Variants in FAT1 observed in about 807,000 individuals in gnomAD.
FAT1 encodes FAT atypical cadherin 1.
Under a neutral mutation model 329.8 loss-of-function variants are expected in FAT1, and 171 were observed. The observed-to-expected ratio is 0.52, with a 90% CI of 0.46 to 0.59. FAT1 has a LOEUF of 0.59. FAT1 is among the 20% of genes least tolerant of loss of function. FAT1 has a pLI of 0.00. For synonymous variants in FAT1, 2,233 were observed against 2,228.6 expected (o/e 1.00, Z -0.06); for missense variants, 5,672 against 5,774.4 (o/e 0.98, Z 0.57).
intron 2 of FAT1, among the ~76,000 whole-genome samples, chr4:186,693,438 T>C (rs1743887398): frequency 6.9e-6 from 1 of 144,982 alleles, no homozygotes; most frequent in Non-Finnish European, 1.5e-5. Flanking sequence ...GCCCAGCGGA[T>C]TTGCTGCTTT....
At chr4:186,595,853 G>A in intron 25 of FAT1, 27 bp from the exon 26 acceptor site, 2 of 1,613,202 alleles carry the variant, frequency 1.2e-6, no homozygotes, top group South Asian at 1.1e-5. Context: ...CAAACAGTAA[G>A]TATATGGGCC....
intron 2 of FAT1, among the ~76,000 whole-genome samples, chr4:186,670,517 C>G (rs1258691786): frequency 6.6e-6 from 1 of 152,172 alleles, no homozygotes; most frequent in Non-Finnish European, 1.5e-5. Context: ...CATCAACACA[C>G]TAGAGAGCCA....
intron 3 of FAT1, among the ~76,000 whole-genome samples, chr4:186,661,585 A>G (rs1045644028): frequency 4.6e-5 from 7 of 152,188 alleles, no homozygotes; most frequent in Non-Finnish European, 1.0e-4. Flanking sequence ...CGGGACAGAA[A>G]TGCCTGTGCG....
In FAT1 at chr4:186,628,179, A is replaced by G. The variant is rs1169067804; in HGVS notation, c.4785T>C (p.Ala1595=). The G allele has an allele frequency of 2.5e-6, 4 of 1,613,828 alleles. No individual in the cohort carries two copies. Among genetic ancestry groups the G allele is most frequent in the African/African-American group, 2.7e-5 (2 of 74,920 alleles). The change falls in exon 9 of 27, where the codon GCT becomes GCC. Residue 1595 remains alanine, a synonymous_variant. Transcript: ENST00000441802. ...TALDKDKGKN[A]EVLYSIESGN... is the part of the protein sequence containing the mutation. ...CTGACTCGATCGAGTACAGCACTTC[A>G]GCATTTTTCCCTTTGTCCTTGTCCA... is the stretch of plus-strand genomic sequence containing the variant.
intron 2 of FAT1, among the ~76,000 whole-genome samples, chr4:186,681,423 C>T (rs1303891901): frequency 6.6e-6 from 1 of 152,176 alleles, no homozygotes; most frequent in African/African-American, 2.4e-5. Flanking sequence ...TCCCTAACCT[C>T]TGTATTTCCA....
In FAT1 at chr4:186,588,436, G is replaced by C. The variant is rs1007899937; in HGVS notation, c.*156C>G. ...CACGATGACAGTAGTTGGGACACTG[G>C]AAATGGCTAGCACGTCCAGAGGCGC... On this transcript the variant is annotated 3_prime_UTR_variant, in exon 27 of 27. Transcript: ENST00000441802. 1.9e-5 allele frequency: 16 copies of C among 848,096 alleles called. No individual in the cohort carries two copies. Among genetic ancestry groups the C allele is most frequent in the Non-Finnish European group, 2.3e-5 (13 of 567,012 alleles). The allele number at this position is 848,096 out of a possible 1,614,324, so 52.5% of individuals were successfully genotyped here. A position where few individuals can be genotyped will look rare whatever the true frequency, so the allele number is the denominator to read the frequency against.
At chr4:186,725,812 G>A (rs1045416134), upstream of FAT1, among the ~76,000 whole-genome samples, 9 of 152,202 alleles carry the variant, frequency 5.9e-5, no homozygotes, top group Non-Finnish European at 1.0e-4. The surrounding 1 kb of genome is among the most constrained non-coding windows in gnomAD (Gnocchi z 5.4). Flanking sequence ...GACGGTTCCA[G>A]AAACAAAACG....
chr4:186,722,931 A>C (rs949991718), intron 1 of FAT1, among the ~76,000 whole-genome samples: 2 of 152,154 alleles, frequency 1.3e-5, no homozygotes, highest in African/African-American at 4.8e-5. Flanking sequence ...AATATTTATG[A>C]GTTTACTTTC....
chr4:186,703,857 T>C (rs1448954563), intron 2 of FAT1, among the ~76,000 whole-genome samples: 1 of 152,232 alleles, frequency 6.6e-6, no homozygotes, highest in Non-Finnish European at 1.5e-5. Context: ...AGAAATTAGT[T>C]AAGACACACT....
At chr4:186,643,513 C>A (rs1206811651) in intron 3 of FAT1, among the ~76,000 whole-genome samples, 1 of 152,044 alleles carries the variant, frequency 6.6e-6, no homozygotes, top group African/African-American at 2.4e-5. Context: ...AGGTGATGCA[C>A]CCCCTCTGCG....
rs373140687 is a variant in FAT1, at chr4:186,604,427, A to T, written c.10498T>A (p.Ser3500Thr). The change falls in exon 18 of 27, where the codon TCA (serine) becomes ACA (threonine). Residue 3500 changes from serine to threonine, a missense_variant. Physicochemically the swap from Ser to Thr is moderately conservative, Grantham distance 58. Transcript: ENST00000441802. The part of the protein sequence containing the change: ...EVNPQGVLLT[S>T]SAIKRKEKDH... ...TTCTCCTTCCTCTTGATGGCAGATG[A>T]TGTCAGGAGGACTCCTTGCGGGTTA... is the stretch of plus-strand genomic sequence containing the variant. The T allele has an allele frequency of 2.2e-4, 358 of 1,613,758 alleles. No individual in the cohort carries two copies. The highest frequency in any genetic ancestry group is 6.6e-4 in the Middle Eastern group (4 of 6,084).
At position 186,620,828 on chromosome 4, in the gene FAT1, C is replaced by T. The variant is rs759008415; in HGVS notation, c.5758G>A (p.Glu1920Lys). The T allele has an allele frequency of 1.4e-5, 22 of 1,613,872 alleles. No individual in the cohort carries two copies. The highest frequency in any genetic ancestry group is 2.7e-5 in the African/African-American group (2 of 74,918). ...GAAAACTTCTCCCCGATGTTGCCTT[C>T]GGTGATGGAGTAAATCAACTGTGAG... The part of the protein sequence containing the change: ...AFSQLIYSIT[E>K]GNIGEKFSMD... Residue 1920 changes from glutamate (E) to lysine (K), a missense_variant, in exon 10 of 27, where the codon GAA (glutamate) becomes AAA (lysine). Around this residue, in one of 2 missense-constraint regions of FAT1, gnomAD observed 3,966 missense variants for 3,915.2 expected, o/e 1.01. Coordinates refer to ENST00000441802, the MANE Select transcript of FAT1 (RefSeq NM_005245.4).
At chr4:186,655,798 T>C (rs574144862) in intron 3 of FAT1, among the ~76,000 whole-genome samples, 3 of 152,364 alleles carry the variant, frequency 2.0e-5, no homozygotes, top group Middle Eastern at 3.4e-3. Flanking sequence ...TATCCATGTA[T>C]ACAGTATGCT....
chr4:186,697,732 A>T (rs540579776), intron 2 of FAT1, among the ~76,000 whole-genome samples: 1 of 152,212 alleles, frequency 6.6e-6, no homozygotes, highest in Non-Finnish European at 1.5e-5. Flanking sequence ...GCATTATAAA[A>T]ATGCTTGTCA....
Position 186,609,179 on chromosome 4 carries a change from T to C in FAT1, c.10206+4A>G, listed in dbSNP as rs1202969863. 6.2e-7 allele frequency: 1 copy of C among 1,611,236 alleles called. No individual in the cohort carries two copies. Among genetic ancestry groups the C allele is most frequent in the South Asian group, 1.1e-5 (1 of 90,864 alleles). On this transcript the variant is annotated splice_donor_region_variant and intron_variant, in intron 16 of 26. Transcript: ENST00000441802. ...AACAACGTAAATCAACCTTTTTCAC[T>C]TACCGTTTCTCGGTCGAGAAGTTTG...
intron 6 of FAT1, 91 bp downstream of exon 6, chr4:186,635,934 A>G: frequency 1.8e-6 from 2 of 1,131,154 alleles, no homozygotes; most frequent in Non-Finnish European, 2.6e-6. Flanking sequence ...CCAATTTTAA[A>G]TCCTGACTTG....
chr4:186,672,620 A>G (rs1411249633), intron 2 of FAT1, among the ~76,000 whole-genome samples: 2 of 152,320 alleles, frequency 1.3e-5, no homozygotes, highest in East Asian at 3.9e-4. Flanking sequence ...CTTATACATC[A>G]GCTCATTTAC....
chr4:186,594,818 C>G (rs1338862707), intron 26 of FAT1, among the ~76,000 whole-genome samples: 1 of 150,520 alleles, frequency 6.6e-6, no homozygotes, highest in Non-Finnish European at 1.5e-5. Context: ...CTATATTACT[C>G]TGGATTGAAT....
chr4:186,725,074 A>G (rs1382164183), upstream of FAT1, among the ~76,000 whole-genome samples: 1 of 152,122 alleles, frequency 6.6e-6, no homozygotes, highest in East Asian at 1.9e-4. The surrounding 1 kb of genome is among the most constrained non-coding windows in gnomAD (Gnocchi z 5.4). Context: ...TCGTAGCCCT[A>G]TATTCCCTGC....
Sources: gnomAD v4.1 joint callset for allele counts (sites outside exome capture counted in the v4.1 genomes callset) on GRCh38, gnomAD v4.1.1 for gene constraint, gnomAD v4.1.1 regional missense constraint, Gnocchi (gnomAD v3.1) non-coding constraint, MANE v1.5 for transcripts, NCBI Gene and HGNC (gene_info 2026-07-23, HGNC 2026-07-21) for gene names.